The following TRDN variants were observed in gnomAD, a reference collection of about 807,000 sequenced individuals.
TRDN encodes the protein triadin, also known as triadin in skeletal muscle.
Under a neutral mutation model 149.7 loss-of-function variants are expected in TRDN, and 161 were observed. The observed-to-expected ratio is 1.08, with a 90% CI of 0.95 to 1.23. The LOEUF is 1.23. TRDN is among the 50% of genes most tolerant of loss of function. The pLI, the probability that TRDN is intolerant of heterozygous loss-of-function variation, is 0.00. For synonymous variants in TRDN, 294 were observed against 250.5 expected, an observed-to-expected ratio of 1.17 and a Z score of -1.64; for missense variants, 896 against 823.5, an observed-to-expected ratio of 1.09 and a Z score of -1.08.
rs1562351485 is a variant in TRDN, at chr6:123,503,857, T to C, written c.655A>G (p.Lys219Glu). The change falls in exon 8 of 41, where the codon AAA becomes GAA. Residue 219 changes from lysine to glutamate, a missense_variant. Lys to Glu is a moderately conservative substitution (Grantham distance 56). Coordinates refer to ENST00000334268, the MANE Select transcript of TRDN (RefSeq NM_006073.4). ...TGTTTTCCACCTTTCACTTCCTTTT[T>C]AGTCTTTTCTTCACTCTTTTCTGCA... ...KTAEKSEEKT[K>E]KEVKGGKQEK... The C allele has an allele frequency of 6.3e-7, 1 of 1,589,620 alleles. No individual in the cohort carries two copies. Among genetic ancestry groups the C allele is most frequent in the Non-Finnish European group, 8.6e-7 (1 of 1,166,340 alleles).
intron 9 of TRDN, among the ~76,000 whole-genome samples, chr6:123,495,914 G>T (rs1279907121): frequency 6.6e-6 from 1 of 151,630 alleles, no homozygotes; most frequent in Non-Finnish European, 1.5e-5. Flanking sequence ...GAAAAGGATG[G>T]AGTTAAGAAT....
At chr6:123,610,844 G>C (rs1784771598) in intron 1 of TRDN, among the ~76,000 whole-genome samples, 1 of 152,020 alleles carries the variant, frequency 6.6e-6, no homozygotes, top group Admixed American at 6.6e-5. Context: ...CACCAAAGTG[G>C]GACTCCTAGA....
chr6:123,501,645 T>A (rs1583154694), intron 8 of TRDN, among the ~76,000 whole-genome samples: 1 of 152,126 alleles, frequency 6.6e-6, no homozygotes, highest in African/African-American at 2.4e-5. Flanking sequence ...ACTTACCTAA[T>A]GATACATTTA....
chr6:123,463,987 T>C (rs766971335), intron 10 of TRDN, among the ~76,000 whole-genome samples: 2 of 152,170 alleles, frequency 1.3e-5, no homozygotes, highest in Non-Finnish European at 2.9e-5. Flanking sequence ...GAAGATCTTT[T>C]CCAATTTGGG....
In TRDN at chr6:123,623,064, GA is replaced by G. The variant is rs1019855641; in HGVS notation, c.22+13689del. On this transcript the variant is annotated intron_variant, in intron 1 of 40. Coordinates refer to ENST00000334268, the MANE Select transcript of TRDN (RefSeq NM_006073.4). ...TTTGCAACTCATTAGTTAGCTCAAG[GA>G]CACAGAAAATAAGTCATCACCTTTC... Among the ~76,000 whole-genome samples, 20 of 152,024 alleles carry G rather than the reference GA, an allele frequency of 1.3e-4. 1 individual carries two copies. The highest frequency in any genetic ancestry group is 1.3e-3 in the Admixed American group (20 of 15,238).
At chr6:123,475,281 T>C (rs1252515015) in intron 9 of TRDN, among the ~76,000 whole-genome samples, 1 of 149,244 alleles carries the variant, frequency 6.7e-6, no homozygotes, top group Non-Finnish European at 1.5e-5. Context: ...TACAAACACC[T>C]CTACACAAAT....
intron 9 of TRDN, among the ~76,000 whole-genome samples, chr6:123,490,731 G>A (rs1778177298): frequency 2.0e-5 from 3 of 152,158 alleles, no homozygotes; most frequent in South Asian, 4.1e-4. Context: ...GAAAGAGAAA[G>A]GCAGGCATCC....
At chr6:123,515,437 CTA>C (rs1028864447) in intron 6 of TRDN, among the ~76,000 whole-genome samples, 2 of 151,784 alleles carry the variant, frequency 1.3e-5, no homozygotes, top group African/African-American at 4.8e-5. Context: ...CATTTAAACA[CTA>C]TGCAGCTTTT....
At chr6:123,563,550 T>C (rs1458148687) in intron 2 of TRDN, among the ~76,000 whole-genome samples, 1 of 152,078 alleles carries the variant, frequency 6.6e-6, no homozygotes, top group Non-Finnish European at 1.5e-5. Flanking sequence ...GAACACATGG[T>C]TTTTTGTAGG....
intron 38 of TRDN, among the ~76,000 whole-genome samples, chr6:123,247,519 A>T (rs1158704601): frequency 1.3e-5 from 2 of 152,212 alleles, no homozygotes; most frequent in East Asian, 1.9e-4. Flanking sequence ...AGAGAATAAA[A>T]TATCTAGGAA....
At chr6:123,620,068 A>G (rs1295431944) in intron 1 of TRDN, among the ~76,000 whole-genome samples, 2 of 152,142 alleles carry the variant, frequency 1.3e-5, no homozygotes, top group African/African-American at 2.4e-5. Flanking sequence ...CATGATCACA[A>G]ATTTATCATG....
chr6:123,337,801 T>A (rs1353421057), intron 21 of TRDN, 132 bp from the exon 22 acceptor site: 5 of 513,502 alleles, frequency 9.7e-6, no homozygotes, highest in Admixed American at 7.9e-5. Flanking sequence ...AATACAAATG[T>A]CTCCAGGCAT....
intron 2 of TRDN, among the ~76,000 whole-genome samples, chr6:123,556,327 T>C (rs1354300559): frequency 6.6e-6 from 1 of 152,152 alleles, no homozygotes; most frequent in Non-Finnish European, 1.5e-5. Flanking sequence ...AAACTAAGTG[T>C]CTGAATAGAT....
intron 9 of TRDN, among the ~76,000 whole-genome samples, chr6:123,495,411 C>G (rs987298961): frequency 5.3e-5 from 8 of 151,764 alleles, no homozygotes; most frequent in African/African-American, 1.7e-4. Context: ...CCCAGCTACT[C>G]AGGAGGCTGA....
chr6:123,291,654 G>C (rs541582615), intron 24 of TRDN, among the ~76,000 whole-genome samples: 37 of 152,172 alleles, frequency 2.4e-4, no homozygotes, highest in African/African-American at 7.7e-4. Context: ...TTCATAAATG[G>C]GGAATTTATA....
intron 22 of TRDN, among the ~76,000 whole-genome samples, chr6:123,333,643 C>CT (rs1388677930): frequency 2.0e-5 from 3 of 151,732 alleles, no homozygotes; most frequent in Admixed American, 1.3e-4. Context: ...TGAGGAATCT[C>CT]TAACTACCCA....
intron 22 of TRDN, among the ~76,000 whole-genome samples, chr6:123,335,362 T>C (rs968829044): frequency 1.3e-5 from 2 of 151,864 alleles, no homozygotes; most frequent in African/African-American, 4.8e-5. Context: ...AATTTTACAT[T>C]GAGCAAAAAC....
At chr6:123,260,788 A>G (rs1020882423) in intron 33 of TRDN, 150 bp from the exon 34 acceptor site, 11 of 589,394 alleles carry the variant, frequency 1.9e-5, no homozygotes, top group Admixed American at 3.7e-5. Flanking sequence ...AAAATGGCAA[A>G]GAAATGTACT....
intron 1 of TRDN, among the ~76,000 whole-genome samples, chr6:123,618,066 G>T (rs1412489490): frequency 6.6e-6 from 1 of 152,174 alleles, no homozygotes; most frequent in African/African-American, 2.4e-5. Context: ...ATTCTCCTAT[G>T]CTAATTTTAT....
Sources: gnomAD v4.1 joint callset for allele counts (sites outside exome capture counted in the v4.1 genomes callset) on GRCh38, gnomAD v4.1.1 for gene constraint, MANE v1.5 for transcripts, NCBI Gene and HGNC (gene_info 2026-07-23, HGNC 2026-07-21) for gene names.